Variants in IRX1 observed in about 807,000 individuals in gnomAD.
IRX1 encodes the protein iroquois homeobox 1.
In IRX1, 22 loss-of-function variants were observed where a neutral mutation model predicts 34.1. The observed-to-expected ratio is 0.64, with a 90% CI of 0.46 to 0.92. The LOEUF (loss-of-function observed/expected upper bound fraction) is 0.92, where lower values mean the gene tolerates loss of function less well. Among genes scored for constraint, IRX1 ranks in the 40% least tolerant of loss-of-function variants. The pLI is 0.00. For missense variants in IRX1, 758 were observed against 680.0 expected (o/e 1.11, Z -1.28); for synonymous variants, 363 against 319.0 (o/e 1.14, Z -1.47).
In IRX1 at chr5:3,599,547, A is replaced by G. The variant is rs148184826; in HGVS notation, c.599A>G (p.Gln200Arg). 3.1e-6 allele frequency: 5 copies of G among 1,614,084 alleles called. No individual in the cohort carries two copies. In the African/African-American group the frequency reaches 5.3e-5, roughly 17 times the overall value. ...ACATGGGGAGCGCGCAGCAAGGACC[A>G]GGAAGATGGAGCGCTCTTCGGCAGC... ...KVTWGARSKD[Q>R]EDGALFGSDT... The change falls in exon 2 of 4, where the codon CAG (glutamine) becomes CGG (arginine). Residue 200 changes from glutamine to arginine, a missense_variant. By Grantham distance (43) the Gln-to-Arg change is conservative. Coordinates refer to ENST00000302006, the MANE Select transcript of IRX1 (RefSeq NM_024337.4). This position sits in a 1 kb window ranked among gnomAD's most constrained non-coding sequence, Gnocchi z 6.6.
intron 3 of IRX1, 141 bp from the exon 4 acceptor site, chr5:3,600,842 C>T (rs1221004875): frequency 3.0e-5 from 35 of 1,153,242 alleles, no homozygotes; most frequent in Non-Finnish European, 4.5e-5. Context: ...GCCGAGGAGA[C>T]TGGAGTTTCT....
At chr5:3,600,780 C>T in intron 3 of IRX1, 99 bp downstream of exon 3, 1 of 1,241,458 alleles carries the variant, frequency 8.1e-7, no homozygotes, top group South Asian at 1.2e-5. Flanking sequence ...CGGTGGGGGT[C>T]GCGCAGTCCT....
chr5:3,598,443 G>C (rs565630077), intron 1 of IRX1, among the ~76,000 whole-genome samples: 2 of 152,212 alleles, frequency 1.3e-5, no homozygotes, highest in Admixed American at 6.5e-5. Context: ...ATACTGAACC[G>C]GTTCCCCTCC....
chr5:3,597,281 T>C (rs1476481507), intron 1 of IRX1, among the ~76,000 whole-genome samples: 1 of 152,188 alleles, frequency 6.6e-6, no homozygotes, highest in Non-Finnish European at 1.5e-5. Context: ...TCCATTTTCC[T>C]TGGTCTGACT....
Position 3,599,464 on chromosome 5 carries a change from G to A in IRX1, c.516G>A (p.Thr172=). The stretch of plus-strand genomic sequence containing the variant: ...CCATCATCACCAAGATGACCCTCAC[G>A]CAGGTCTCCACCTGGTTCGCCAACG... ...MLAIITKMTL[T]QVSTWFANAR... is the part of the protein sequence containing the mutation. Residue 172 remains threonine (T), a synonymous_variant, in exon 2 of 4, where the codon ACG becomes ACA. Transcript: ENST00000302006. The surrounding 1 kb of genome is among the most constrained non-coding windows in gnomAD (Gnocchi z 6.6). 6.2e-7 allele frequency: 1 copy of A among 1,614,086 alleles called. No individual in the cohort carries two copies. The highest frequency in any genetic ancestry group is 8.5e-7 in the Non-Finnish European group (1 of 1,180,020).
At position 3,599,367 on chromosome 5, in the gene IRX1, G is replaced by T; in HGVS notation, c.419G>T (p.Ser140Ile). Residue 140 changes from serine to isoleucine, a missense_variant, in exon 2 of 4, where the codon AGC (serine) becomes ATC (isoleucine). By Grantham distance (142) the Ser-to-Ile change is moderately radical. This residue lies in a region of IRX1 where 195 missense variants were observed against 195.0 expected (regional missense o/e 1.00). Transcript: ENST00000302006. The surrounding 1 kb of genome is among the most constrained non-coding windows in gnomAD (Gnocchi z 6.6). ...RPKNATRESTSTLKAWLNEHR... is the reference protein window; with the variant it reads ...RPKNATRESTITLKAWLNEHR... ...AAGAACGCCACCCGCGAGAGCACCA[G>T]CACGCTCAAGGCCTGGCTCAACGAG... The T allele has an allele frequency of 1.9e-6, 3 of 1,614,138 alleles. No individual in the cohort carries two copies. Among genetic ancestry groups the T allele is most frequent in the Non-Finnish European group, 2.5e-6 (3 of 1,180,032 alleles).
chr5:3,596,765 C>T (rs1484941366), intron 1 of IRX1, among the ~76,000 whole-genome samples: 8 of 152,132 alleles, frequency 5.3e-5, no homozygotes, highest in Non-Finnish European at 1.2e-4. Context: ...CCCGGCGTAG[C>T]GTAGCAGGAC....
At chr5:3,600,356 A>AGCATGAG in intron 2 of IRX1, 96 bp downstream of exon 2, 1 of 1,234,676 alleles carries the variant, frequency 8.1e-7, no homozygotes, top group South Asian at 1.5e-5. Flanking sequence ...CCGGGAGGGT[A>AGCATGAG]CCAGGCAGTG....
In IRX1 at chr5:3,599,473, C is replaced by T; in HGVS notation, c.525C>T (p.Ser175=). The change falls in exon 2 of 4, where the codon TCC becomes TCT. Residue 175 remains serine (S), a synonymous_variant. Coordinates refer to ENST00000302006, the MANE Select transcript of IRX1 (RefSeq NM_024337.4). The surrounding 1 kb of genome is among the most constrained non-coding windows in gnomAD (Gnocchi z 6.6). ...IITKMTLTQV[S]TWFANARRRL... ...CCAAGATGACCCTCACGCAGGTCTCCACCTGGTTCGCCAACGCGCGCCGGC... is the reference window on the plus strand; with the variant it reads ...CCAAGATGACCCTCACGCAGGTCTCTACCTGGTTCGCCAACGCGCGCCGGC... 6.2e-7 allele frequency: 1 copy of T among 1,614,158 alleles called. No individual in the cohort carries two copies. Among genetic ancestry groups the T allele is most frequent in the Non-Finnish European group, 8.5e-7 (1 of 1,180,034 alleles).
chr5:3,600,758 C>A, intron 3 of IRX1, 77 bp downstream of exon 3: 1 of 1,395,252 alleles, frequency 7.2e-7, no homozygotes, highest in Non-Finnish European at 1.0e-6. Flanking sequence ...CCGGGCGGAG[C>A]TGGCTGGGTG....
intron 1 of IRX1, among the ~76,000 whole-genome samples, 165 bp downstream of exon 1, chr5:3,596,546 C>T (rs1419118890): frequency 6.6e-6 from 1 of 151,614 alleles, no homozygotes; most frequent in Admixed American, 6.6e-5. Flanking sequence ...CCCCCGGGGA[C>T]GCAAGAGGGC....
rs755013314 is a variant in IRX1 at position 3,596,098 on chromosome 5, C to G, written c.-8C>G. 5 of 1,065,442 alleles carry G rather than the reference C, an allele frequency of 4.7e-6. No individual in the cohort carries two copies. The East Asian group carries it at 3.2e-4, about 69-fold the overall frequency. The allele number at this position is 1,065,442 out of a possible 1,614,324, so 66.0% of individuals were successfully genotyped here. On this transcript the variant is annotated 5_prime_UTR_variant, in exon 1 of 4. Transcript: ENST00000302006. ...TCGCCCGCTGCGGCGGTCGCCGAGT[C>G]CGCGGACATGTCCTTCCCGCAGCTG...
At chr5:3,597,329 T>G (rs1036858140) in intron 1 of IRX1, among the ~76,000 whole-genome samples, 1 of 152,140 alleles carries the variant, frequency 6.6e-6, no homozygotes, top group African/African-American at 2.4e-5. Context: ...GCTGGTGAAT[T>G]GTGCGGCGGG....
Position 3,599,601 on chromosome 5 carries a change from A to G in IRX1, c.653A>G (p.Glu218Gly). 1 of 1,614,040 alleles carries G rather than the reference A, an allele frequency of 6.2e-7. No homozygotes were observed. Among genetic ancestry groups the G allele is most frequent in the Non-Finnish European group, 8.5e-7 (1 of 1,180,026 alleles). The stretch of plus-strand genomic sequence containing the variant: ...ACCGAGGGCGACCCGGAGAAGGCCG[A>G]GGACGACGAGGAGATCGACCTGGAA... Reference protein sequence around the residue: ...SDTEGDPEKAEDDEEIDLESI... With the variant: ...SDTEGDPEKAGDDEEIDLESI... The change falls in exon 2 of 4, where the codon GAG becomes GGG. Residue 218 changes from glutamate (E) to glycine (G), a missense_variant. Glu to Gly is a moderately conservative substitution (Grantham distance 98). Transcript: ENST00000302006. The surrounding 1 kb of genome is among the most constrained non-coding windows in gnomAD (Gnocchi z 6.6).
In IRX1 at chr5:3,596,086, C is replaced by T. The variant is rs1343841892; in HGVS notation, c.-20C>T. On this transcript the variant is annotated 5_prime_UTR_variant, in exon 1 of 4. Coordinates refer to ENST00000302006, the MANE Select transcript of IRX1 (RefSeq NM_024337.4). ...CGCCTTTAATACTCGCCCGCTGCGGCGGTCGCCGAGTCCGCGGACATGTCC... is the reference window on the plus strand; with the variant it reads ...CGCCTTTAATACTCGCCCGCTGCGGTGGTCGCCGAGTCCGCGGACATGTCC... 5 of 1,056,226 alleles carry T rather than the reference C, an allele frequency of 4.7e-6. No homozygotes were observed. The highest frequency in any genetic ancestry group is 5.7e-6 in the Non-Finnish European group (5 of 875,726). 65.4% of individuals were successfully genotyped at this position (1,056,226 alleles called of 1,614,324 possible).
chr5:3,596,231 A>G lies in IRX1; in HGVS notation c.126A>G (p.Arg42=), dbSNP rs912435340. Residue 42 remains arginine (R), a synonymous_variant, in exon 1 of 4, where the codon CGA becomes CGG. Coordinates refer to ENST00000302006, the MANE Select transcript of IRX1 (RefSeq NM_024337.4). The part of the protein sequence containing the change: ...AAAAAAASSG[R]PGAAELGGGA... Reference sequence around the variant, plus strand: ...CGGCTGCCGCCGCCTCGTCGGGCCGACCGGGGGCCGCGGAGCTGGGCGGCG... The same window carrying G: ...CGGCTGCCGCCGCCTCGTCGGGCCGGCCGGGGGCCGCGGAGCTGGGCGGCG... The G allele has an allele frequency of 8.8e-7, 1 of 1,141,640 alleles. No individual in the cohort carries two copies. Among genetic ancestry groups the G allele is most frequent in the Non-Finnish European group, 1.1e-6 (1 of 931,446 alleles). 70.7% of individuals were successfully genotyped at this position (1,141,640 alleles called of 1,614,324 possible). A position where few individuals can be genotyped will look rare whatever the true frequency, so the allele number is the denominator to read the frequency against.
In IRX1 at chr5:3,600,224, G is replaced by C. The variant is rs1020243164; in HGVS notation, c.1276G>C (p.Asp426His). ...TATTGCCCCGGGGGCACTCAATGGAGACAAGGCCTCGGTCCGCAGCAGCCC... is the reference window on the plus strand; with the variant it reads ...TATTGCCCCGGGGGCACTCAATGGACACAAGGCCTCGGTCCGCAGCAGCCC... ...VAIAPGALNG[D>H]KASVRSSPTL... Residue 426 changes from aspartate (D) to histidine (H), a missense_variant, in exon 2 of 4, where the codon GAC (aspartate) becomes CAC (histidine). By Grantham distance (81) the Asp-to-His change is moderately conservative. Coordinates refer to ENST00000302006, the MANE Select transcript of IRX1 (RefSeq NM_024337.4). 1.2e-6 allele frequency: 2 copies of C among 1,606,322 alleles called. No individual in the cohort carries two copies. Among genetic ancestry groups the C allele is most frequent in the Non-Finnish European group, 8.5e-7 (1 of 1,177,484 alleles).
At position 3,600,985 on chromosome 5, in the gene IRX1, C is replaced by T; in HGVS notation, c.1388C>T (p.Ser463Phe). The T allele has an allele frequency of 6.2e-7, 1 of 1,613,526 alleles. No individual in the cohort carries two copies. The highest frequency in any genetic ancestry group is 8.5e-7 in the Non-Finnish European group (1 of 1,179,898). Reference sequence around the variant, plus strand: ...GTCTCGCTGTGTTTCCCATGCAGCTCTCTGGCCCCGCAGGAGGGAACGCCG... The same window carrying T: ...GTCTCGCTGTGTTTCCCATGCAGCTTTCTGGCCCCGCAGGAGGGAACGCCG... ...KSPFQPVRDNSLAPQEGTPRI... is the reference protein window; with the variant it reads ...KSPFQPVRDNFLAPQEGTPRI... The change falls in exon 4 of 4, where the codon TCT becomes TTT. Residue 463 changes from serine to phenylalanine, a missense_variant and splice_region_variant. By Grantham distance (155) the Ser-to-Phe change is radical (BLOSUM62 -2). Transcript: ENST00000302006.
intron 2 of IRX1, 47 bp downstream of exon 2, chr5:3,600,307 A>T: frequency 6.8e-7 from 1 of 1,476,516 alleles, no homozygotes; most frequent in Non-Finnish European, 9.0e-7. Context: ...GGGAATGCAG[A>T]GGCCTGGCTA....
Sources: allele counts gnomAD v4.1 joint callset (sites outside exome capture counted in the v4.1 genomes callset), GRCh38; gene constraint gnomAD v4.1.1; regional missense constraint gnomAD v4.1.1; non-coding constraint Gnocchi (gnomAD v3.1); transcripts MANE v1.5; gene names NCBI Gene and HGNC (gene_info 2026-07-23, HGNC 2026-07-21).